Variants in ACER2 observed in about 807,000 individuals in gnomAD.
The protein encoded by ACER2 is alkCDase 2.
Under a neutral mutation model 34.7 loss-of-function variants are expected in ACER2, and 26 were observed. The ratio of observed to expected loss-of-function variants is 0.75; its 90% CI spans 0.55 to 1.04. The LOEUF (loss-of-function observed/expected upper bound fraction) is 1.04, where lower values mean the gene tolerates loss of function less well. Ranked by LOEUF, ACER2 falls within the 50% of genes least tolerant of loss-of-function variation. The pLI is 0.00. For synonymous variants in ACER2, 138 were observed against 132.1 expected, an observed-to-expected ratio of 1.04 and a Z score of -0.31; for missense variants, 352 against 340.8, an observed-to-expected ratio of 1.03 and a Z score of -0.26.
chr9:19,428,349 G>A (rs1057404337), intron 3 of ACER2, among the ~76,000 whole-genome samples: 18 of 151,876 alleles, frequency 1.2e-4, no homozygotes, highest in Admixed American at 1.2e-3. Flanking sequence ...TGTATTTTTA[G>A]TAGAGACGGG....
At chr9:19,422,914 C>G (rs929905414) in intron 1 of ACER2, among the ~76,000 whole-genome samples, 6 of 151,758 alleles carry the variant, frequency 4.0e-5, no homozygotes, top group African/African-American at 1.5e-4. Context: ...CGCCTGTAAT[C>G]CCAACTACTC....
intron 1 of ACER2, among the ~76,000 whole-genome samples, chr9:19,417,127 C>T (rs1467718156): frequency 6.6e-6 from 1 of 152,060 alleles, no homozygotes; most frequent in African/African-American, 2.4e-5. Context: ...TTCACAATTG[C>T]TACAAAGAGA....
chr9:19,427,549 G>T (rs1830606425), intron 3 of ACER2, among the ~76,000 whole-genome samples: 1 of 151,936 alleles, frequency 6.6e-6, no homozygotes, highest in African/African-American at 2.4e-5. Context: ...TGTAGATCAG[G>T]GATTTCCGGT....
intron 5 of ACER2, among the ~76,000 whole-genome samples, chr9:19,447,685 G>T (rs1366938411): frequency 6.6e-6 from 1 of 152,104 alleles, no homozygotes; most frequent in Admixed American, 6.6e-5. Context: ...TGTCACACAT[G>T]ATTTAAGTCA....
At chr9:19,444,364 A>C (rs1831273994) in intron 4 of ACER2, among the ~76,000 whole-genome samples, 1 of 151,724 alleles carries the variant, frequency 6.6e-6, no homozygotes, top group Non-Finnish European at 1.5e-5. Flanking sequence ...GGCGCCCGCC[A>C]CCACGCCCGA....
chr9:19,412,037 G>C (rs1432610540), intron 1 of ACER2, among the ~76,000 whole-genome samples: 1 of 152,202 alleles, frequency 6.6e-6, no homozygotes, highest in Non-Finnish European at 1.5e-5. Context: ...TCTACCAAGA[G>C]AGTTATCTTG....
At chr9:19,431,625 C>G (rs1830756337) in intron 3 of ACER2, among the ~76,000 whole-genome samples, 1 of 152,206 alleles carries the variant, frequency 6.6e-6, no homozygotes, top group Admixed American at 6.5e-5. Context: ...GGCGGCCTTT[C>G]CTCCAGTAGA....
Position 19,442,844 on chromosome 9 carries a change from T to C in ACER2, c.504-3437T>C, listed in dbSNP as rs372715386. On this transcript the variant is annotated intron_variant, in intron 4 of 5. Coordinates refer to ENST00000340967, the MANE Select transcript of ACER2 (RefSeq NM_001010887.3). ...TTTGGTGCCCAATAAATACTTTTTT[T>C]TTTTTTGAGATGGGGTCTCGCTCTG... Among the ~76,000 whole-genome samples, 137 of 152,102 alleles carry C rather than the reference T, an allele frequency of 9.0e-4. 3 individuals carry two copies. In the South Asian group the frequency reaches 0.027, roughly 29 times the overall value.
intron 3 of ACER2, among the ~76,000 whole-genome samples, chr9:19,426,463 C>T (rs956474012): frequency 2.0e-5 from 3 of 150,930 alleles, no homozygotes; most frequent in African/African-American, 7.3e-5. Flanking sequence ...CCACCAGTCA[C>T]CATGATGCTT....
intron 3 of ACER2, among the ~76,000 whole-genome samples, chr9:19,426,260 C>CTCTTTCTTTCTTTCTCTT (rs1830559305): frequency 6.7e-6 from 1 of 148,766 alleles, no homozygotes; most frequent in Admixed American, 6.7e-5. Flanking sequence ...ACACATTAAT[C>CTCTTTCTTTCTTTCTCTT]TCTTTCTTTC....
chr9:19,420,780 T>A (rs1372844449), intron 1 of ACER2, among the ~76,000 whole-genome samples: 1 of 151,928 alleles, frequency 6.6e-6, no homozygotes, highest in Non-Finnish European at 1.5e-5. Context: ...AGGTTGGGGG[T>A]CTGGCAAGGG....
chr9:19,444,602 T>C (rs1438286582), intron 4 of ACER2, among the ~76,000 whole-genome samples: 1 of 152,146 alleles, frequency 6.6e-6, no homozygotes, highest in African/African-American at 2.4e-5. Context: ...TGGGCCACGG[T>C]TGTGGACGAG....
intron 1 of ACER2, among the ~76,000 whole-genome samples, chr9:19,409,517 G>T (rs1340704631): frequency 6.6e-6 from 1 of 152,094 alleles, no homozygotes; most frequent in Non-Finnish European, 1.5e-5. Flanking sequence ...TCAGCTGGGG[G>T]CGGTGAACCT....
rs1466080014 is a variant in ACER2 at position 19,451,398 on chromosome 9, C to CT, written c.*764dup. 1.3e-5 allele frequency: 2 copies of CT among 152,668 alleles called. No homozygotes were observed. The highest frequency in any genetic ancestry group is 1.5e-5 in the Non-Finnish European group (1 of 68,048). The allele number at this position is 152,668 out of a possible 1,614,324, so 9.5% of individuals were successfully genotyped here. A position where few individuals can be genotyped will look rare whatever the true frequency, so the allele number is the denominator to read the frequency against. On this transcript the variant is annotated 3_prime_UTR_variant, in exon 6 of 6. Transcript: ENST00000340967. ...TGTGGCTAAAAAGGCTAGTTTTTCA[C>CT]TTGCATTTCTCAACTAACCCAGGTT...
At chr9:19,442,138 T>G (rs978995953) in intron 4 of ACER2, among the ~76,000 whole-genome samples, 1 of 152,124 alleles carries the variant, frequency 6.6e-6, no homozygotes, top group Non-Finnish European at 1.5e-5. Context: ...CTGAAATTGG[T>G]GGTGTTAAGT....
intron 4 of ACER2, among the ~76,000 whole-genome samples, chr9:19,436,058 A>G (rs1589057171): frequency 6.7e-6 from 1 of 149,046 alleles, no homozygotes; most frequent in Non-Finnish European, 1.5e-5. Context: ...CAAAAAACAG[A>G]AAAAGAAGAA....
chr9:19,421,716 T>C (rs1180069951), intron 1 of ACER2, among the ~76,000 whole-genome samples: 1 of 152,148 alleles, frequency 6.6e-6, no homozygotes, highest in Non-Finnish European at 1.5e-5. Context: ...TGCCACTGAA[T>C]TGTACACTTT....
intron 5 of ACER2, among the ~76,000 whole-genome samples, chr9:19,448,454 T>A (rs1831448273): frequency 6.6e-6 from 1 of 152,222 alleles, no homozygotes; most frequent in South Asian, 2.1e-4. Context: ...CTTTATAATT[T>A]ATTTAACCAA....
At chr9:19,432,605 TTTTA>T (rs1396331721) in intron 3 of ACER2, among the ~76,000 whole-genome samples, 1 of 148,732 alleles carries the variant, frequency 6.7e-6, no homozygotes, top group African/African-American at 2.4e-5. Context: ...TAAATATAAT[TTTTA>T]TTTAATATAA....
Sources: gnomAD v4.1 joint callset for allele counts (sites outside exome capture counted in the v4.1 genomes callset) on GRCh38, gnomAD v4.1.1 for gene constraint, MANE v1.5 for transcripts, NCBI Gene and HGNC (gene_info 2026-07-23, HGNC 2026-07-21) for gene names.